Variants in DAO observed in about 807,000 individuals in gnomAD.
The protein encoded by DAO is D-amino acid oxidase.
In DAO, 51 loss-of-function variants were observed where a neutral mutation model predicts 50.1. That is an observed-to-expected ratio of 1.02 (90% CI 0.81 to 1.29). DAO has a LOEUF of 1.29. Among genes scored for constraint, DAO ranks in the 50% most tolerant of loss-of-function variants. The probability of loss-of-function intolerance (pLI) is 0.00; values close to 1 mark genes in which losing one functional copy is unlikely to be tolerated. For synonymous variants in DAO, 160 were observed against 166.2 expected (o/e 0.96, Z 0.29); for missense variants, 436 against 439.4 (o/e 0.99, Z 0.07).
chr12:108,896,934 C>T, intron 7 of DAO, 72 bp from the exon 8 acceptor site: 1 of 1,141,986 alleles, frequency 8.8e-7, no homozygotes, highest in Non-Finnish European at 1.3e-6. Flanking sequence ...GGACATCTGG[C>T]CACAGAGGGG....
intron 6 of DAO, 49 bp downstream of exon 6, chr12:108,893,085 G>A: frequency 1.6e-6 from 2 of 1,219,268 alleles, no homozygotes; most frequent in Non-Finnish European, 2.4e-6. Flanking sequence ...AAGAGGGGAG[G>A]CCTCTGCTTC....
intron 1 of DAO, among the ~76,000 whole-genome samples, chr12:108,883,391 C>T (rs764571337): frequency 6.6e-6 from 1 of 152,180 alleles, no homozygotes; most frequent in Non-Finnish European, 1.5e-5. Flanking sequence ...CGTGATCCAC[C>T]CGCCTCGGCC....
intron 1 of DAO, among the ~76,000 whole-genome samples, chr12:108,881,199 A>ACACAC (rs2039374289): frequency 2.6e-5 from 2 of 75,900 alleles, no homozygotes; most frequent in East Asian, 6.0e-4. Flanking sequence ...CACACACACA[A>ACACAC]ATATAATAAT....
At chr12:108,887,586 A>G in intron 3 of DAO, 22 bp downstream of exon 3, 5 of 1,544,382 alleles carry the variant, frequency 3.2e-6, no homozygotes, top group Non-Finnish European at 4.5e-6. Flanking sequence ...GTTCTTGACC[A>G]TGAGGGATGA....
At chr12:108,883,663 A>C (rs1433486794) in intron 1 of DAO, 1 of 456,472 alleles carries the variant, frequency 2.2e-6, no homozygotes, top group Non-Finnish European at 4.4e-6. Context: ...CCAGAGGCAA[A>C]GTATGGGGGA....
At chr12:108,881,630 G>A (rs1202042660) in intron 1 of DAO, among the ~76,000 whole-genome samples, 1 of 114,184 alleles carries the variant, frequency 8.8e-6, no homozygotes, top group African/African-American at 3.3e-5. Flanking sequence ...TTTTGACAGA[G>A]TTTCACTCTT....
chr12:108,896,338 G>A (rs1351214242), intron 7 of DAO, among the ~76,000 whole-genome samples: 2 of 143,382 alleles, frequency 1.4e-5, no homozygotes, highest in Admixed American at 7.8e-5. Flanking sequence ...CAGGAGAATC[G>A]CTTGAACCCG....
intron 6 of DAO, 60 bp downstream of exon 6, chr12:108,893,096 T>C: frequency 6.6e-7 from 1 of 1,507,660 alleles, no homozygotes; most frequent in East Asian, 2.3e-5. Context: ...CCTCTGCTTC[T>C]TGCTGCTGAG....
chr12:108,889,385 C>A, intron 3 of DAO, 84 bp from the exon 4 acceptor site: 1 of 897,008 alleles, frequency 1.1e-6, no homozygotes, highest in Non-Finnish European at 1.8e-6. Flanking sequence ...GCTGGGATTA[C>A]AGGTGTGAGC....
chr12:108,882,329 A>G (rs2039390566), intron 1 of DAO, among the ~76,000 whole-genome samples: 2 of 152,224 alleles, frequency 1.3e-5, no homozygotes, highest in African/African-American at 4.8e-5. Flanking sequence ...CCTGGCCAAC[A>G]TGGTGAAACC....
intron 3 of DAO, 85 bp downstream of exon 3, chr12:108,887,649 T>A (rs2039449599): frequency 1.0e-6 from 1 of 962,332 alleles, no homozygotes; most frequent in Non-Finnish European, 1.7e-6. Flanking sequence ...TAATCACAGA[T>A]GAGGGCGGGG....
chr12:108,891,982 C>T (rs893692605), intron 5 of DAO, among the ~76,000 whole-genome samples: 3 of 152,034 alleles, frequency 2.0e-5, no homozygotes, highest in Non-Finnish European at 4.4e-5. Flanking sequence ...ATGGCTATTT[C>T]TCCTAACCTG....
At position 108,894,374 on chromosome 12, in the gene DAO, G is replaced by A. The variant is rs2039524789; in HGVS notation, c.612+7G>A. ...CCGGGGGCAGATCATGAAGGTGAGTGTGAGGGTGAGACCCCTACCTTTTGT... is the reference window on the plus strand; with the variant it reads ...CCGGGGGCAGATCATGAAGGTGAGTATGAGGGTGAGACCCCTACCTTTTGT... On this transcript the variant is annotated splice_region_variant and intron_variant, in intron 7 of 10. Coordinates refer to ENST00000228476, the MANE Select transcript of DAO (RefSeq NM_001917.5). 1 of 1,602,524 alleles carries A rather than the reference G, an allele frequency of 6.2e-7. No homozygotes were observed. The highest frequency in any genetic ancestry group is 8.5e-7 in the Non-Finnish European group (1 of 1,169,980).
At chr12:108,898,419 G>T (rs972831900) in intron 8 of DAO, 24 of 481,194 alleles carry the variant, frequency 5.0e-5, no homozygotes, top group Non-Finnish European at 8.9e-5. Flanking sequence ...AATGTTAGTG[G>T]TGGTGGTGAA....
chr12:108,897,346 A>T (rs2039570664), intron 8 of DAO, among the ~76,000 whole-genome samples: 1 of 152,048 alleles, frequency 6.6e-6, no homozygotes, highest in African/African-American at 2.4e-5. Context: ...CCTCCCAAGT[A>T]GCTGAGATTA....
At chr12:108,882,472 C>T (rs2039392021) in intron 1 of DAO, among the ~76,000 whole-genome samples, 1 of 152,192 alleles carries the variant, frequency 6.6e-6, no homozygotes. Context: ...AAGATTGTAC[C>T]ATTGCACTCC....
intron 8 of DAO, among the ~76,000 whole-genome samples, chr12:108,897,712 C>G (rs529073070): frequency 2.0e-5 from 3 of 152,192 alleles, no homozygotes; most frequent in African/African-American, 7.2e-5. Context: ...CTTTGCGAGG[C>G]CAATGTGGGA....
chr12:108,900,612 A>G lies in DAO; in HGVS notation c.*77A>G. 6.4e-7 allele frequency: 1 copy of G among 1,574,648 alleles called. No individual in the cohort carries two copies. Among genetic ancestry groups the G allele is most frequent in the Non-Finnish European group, 8.7e-7 (1 of 1,150,778 alleles). On this transcript the variant is annotated 3_prime_UTR_variant, in exon 11 of 11. Coordinates refer to ENST00000228476, the MANE Select transcript of DAO (RefSeq NM_001917.5). Reference sequence around the variant, plus strand: ...CCAATGAATCAATGTGCTCCTTCATAAGCCATTGCTTCTCCCTCACTTCTT... The same window carrying G: ...CCAATGAATCAATGTGCTCCTTCATGAGCCATTGCTTCTCCCTCACTTCTT...
Position 108,895,361 on chromosome 12 carries a change from G to A in DAO, c.612+994G>A, listed in dbSNP as rs374491113. Among the ~76,000 whole-genome samples the A allele has an allele frequency of 2.0e-3, 293 of 148,492 alleles. 5 individuals carry two copies. The East Asian group carries it at 0.039, about 20-fold the overall frequency. ...TGTGAGGGTGTGTGTGCATGTGTGT[G>A]AGGGTGTGTGCATATGTGATGGTGT... is the stretch of plus-strand genomic sequence containing the variant. On this transcript the variant is annotated intron_variant, in intron 7 of 10. Transcript: ENST00000228476.
Sources: allele counts gnomAD v4.1 joint callset (sites outside exome capture counted in the v4.1 genomes callset), GRCh38; gene constraint gnomAD v4.1.1; transcripts MANE v1.5; gene names NCBI Gene and HGNC (gene_info 2026-07-23, HGNC 2026-07-21).